DHX38: variants seen among roughly 807,000 people sequenced by gnomAD.
The protein encoded by DHX38 is pre-mRNA-splicing factor ATP-dependent RNA helicase PRP16.
A neutral mutation model predicts 153.1 loss-of-function variants in DHX38; 100 were observed. That is an observed-to-expected ratio of 0.65 (90% CI 0.56 to 0.77). The LOEUF (loss-of-function observed/expected upper bound fraction) is 0.77. Ranked by LOEUF, DHX38 falls within the 30% of genes least tolerant of loss-of-function variation. The probability of loss-of-function intolerance (pLI) is 0.00; values close to 1 mark genes in which losing one functional copy is unlikely to be tolerated. For synonymous variants in DHX38, 650 were observed against 631.7 expected, an observed-to-expected ratio of 1.03 and a Z score of -0.43; for missense variants, 1,440 against 1,654.0, an observed-to-expected ratio of 0.87 and a Z score of 2.24.
Position 72,107,906 on chromosome 16 carries a change from G to A in DHX38, c.2964+107G>A, listed in dbSNP as rs1468242676. 3.5e-6 allele frequency: 5 copies of A among 1,433,878 alleles called. No individual in the cohort carries two copies. The highest frequency in any genetic ancestry group is 4.7e-6 in the Non-Finnish European group (5 of 1,071,752). The allele number at this position is 1,433,878 out of a possible 1,614,324, so 88.8% of individuals were successfully genotyped here. On this transcript the variant is annotated intron_variant, in intron 21 of 26. Transcript: ENST00000268482. The surrounding 1 kb of genome is among the most constrained non-coding windows in gnomAD (Gnocchi z 5.3). ...AAATGGAACAGAGGGCAGAATCAGAGTTTCTGAAGAATGATTTTGCTGTTC... is the reference window on the plus strand; with the variant it reads ...AAATGGAACAGAGGGCAGAATCAGAATTTCTGAAGAATGATTTTGCTGTTC...
rs2042190939 is a variant in DHX38 at position 72,107,266 on chromosome 16, C to T, written c.2601-74C>T. ...AGAAGAAATGAGAATTTCCTCCCTC[C>T]CTGTGGGATTTCATCTGTACTGGCT... On this transcript the variant is annotated intron_variant, in intron 19 of 26. Coordinates refer to ENST00000268482, the MANE Select transcript of DHX38 (RefSeq NM_014003.4). The surrounding 1 kb of genome is among the most constrained non-coding windows in gnomAD (Gnocchi z 5.3). The T allele has an allele frequency of 1.4e-6, 2 of 1,446,894 alleles. No homozygotes were observed. Among genetic ancestry groups the T allele is most frequent in the South Asian group, 1.3e-5 (1 of 76,116 alleles). The allele number at this position is 1,446,894 out of a possible 1,614,324, so 89.6% of individuals were successfully genotyped here.
In DHX38 at chr16:72,104,055, A is replaced by C. The variant is rs2042137789; in HGVS notation, c.1934A>C (p.His645Pro). 1.2e-6 allele frequency: 2 copies of C among 1,614,086 alleles called. No homozygotes were observed. Among genetic ancestry groups the C allele is most frequent in the African/African-American group, 1.3e-5 (1 of 74,934 alleles). The change falls in exon 14 of 27, where the codon CAC becomes CCC. Residue 645 changes from histidine (H) to proline (P), a missense_variant. His to Pro is a moderately conservative substitution (Grantham distance 77, BLOSUM62 -2). Transcript: ENST00000268482. The surrounding 1 kb of genome is among the most constrained non-coding windows in gnomAD (Gnocchi z 4.5). Reference sequence around the variant, plus strand: ...TCCCTCCGGGAAGCCGACCTGGATCACTACAGTGCCATCATCATGGACGAG... The same window carrying C: ...TCCCTCCGGGAAGCCGACCTGGATCCCTACAGTGCCATCATCATGGACGAG... ...RESLREADLDHYSAIIMDEAH... is the reference protein window; with the variant it reads ...RESLREADLDPYSAIIMDEAH...
Position 72,103,583 on chromosome 16 carries a change from T to C in DHX38, c.1638-19T>C, listed in dbSNP as rs754238583. ...CTTCCACTTCGGCTGATAAGCCCTT[T>C]GCCTGCTTGTCCTTGTAGAGACAAC... On this transcript the variant is annotated intron_variant, in intron 12 of 26. Coordinates refer to ENST00000268482, the MANE Select transcript of DHX38 (RefSeq NM_014003.4). The C allele has an allele frequency of 1.9e-6, 3 of 1,594,900 alleles. No individual in the cohort carries two copies. In the Admixed American group the frequency reaches 5.0e-5, roughly 27 times the overall value.
intron 1 of DHX38, among the ~76,000 whole-genome samples, chr16:72,094,851 G>A (rs182914306): frequency 8.4e-4 from 128 of 152,380 alleles, no homozygotes; most frequent in African/African-American, 2.6e-3. Flanking sequence ...CAACTGCGTA[G>A]AATGGCAGTC....
intron 23 of DHX38, 59 bp downstream of exon 23, chr16:72,108,666 CTT>C: frequency 1.3e-6 from 2 of 1,593,668 alleles, no homozygotes; most frequent in East Asian, 4.5e-5. Flanking sequence ...GGGCAAAGTT[CTT>C]CCTTTGTCCT....
At chr16:72,109,811 C>T (rs921094275) in intron 25 of DHX38, 8 of 223,136 alleles carry the variant, frequency 3.6e-5, no homozygotes, top group Non-Finnish European at 6.1e-5. Context: ...TAATTGTCAA[C>T]GTTTGTTCAA....
At position 72,098,565 on chromosome 16, in the gene DHX38, A is replaced by C. The variant is rs1297219299; in HGVS notation, c.617-80A>C. The C allele has an allele frequency of 1.4e-5, 21 of 1,546,608 alleles. No homozygotes were observed. The Middle Eastern group carries it at 5.2e-4, about 38-fold the overall frequency. Reference sequence around the variant, plus strand: ...AATAGTAAAAGGAGTAAATTTGGGGAATTGACTTTTGGCAACTGGTTCTAG... The same window carrying C: ...AATAGTAAAAGGAGTAAATTTGGGGCATTGACTTTTGGCAACTGGTTCTAG... On this transcript the variant is annotated intron_variant, in intron 4 of 26. Transcript: ENST00000268482.
Position 72,103,215 on chromosome 16 carries a change from A to G in DHX38, c.1637+4A>G. On this transcript the variant is annotated splice_donor_region_variant and intron_variant, in intron 12 of 26. Transcript: ENST00000268482. ...AGGAGCTGCTCACTATTATCAGGTA[A>G]CTTCACCCGGGGCCCAGGAATCTAG... 6.2e-7 allele frequency: 1 copy of G among 1,612,460 alleles called. No homozygotes were observed. The highest frequency in any genetic ancestry group is 8.5e-7 in the Non-Finnish European group (1 of 1,178,974).
intron 18 of DHX38, 63 bp from the exon 19 acceptor site, chr16:72,105,941 CT>C: frequency 4.0e-6 from 6 of 1,501,062 alleles, no homozygotes; most frequent in Non-Finnish European, 5.5e-6. Flanking sequence ...TTGCCTTTGT[CT>C]CAGGCCTACT....
intron 11 of DHX38, 88 bp from the exon 12 acceptor site, chr16:72,102,985 TC>T: frequency 1.9e-6 from 3 of 1,552,604 alleles, no homozygotes. Flanking sequence ...AAGTCCTCAT[TC>T]CTGAGCGTAG....
chr16:72,098,886 G>A (rs776714816), intron 5 of DHX38, 41 bp from the exon 6 acceptor site: 1 of 1,614,148 alleles, frequency 6.2e-7, no homozygotes. Flanking sequence ...ACGTGGCTTA[G>A]CTCAGTGACA....
intron 12 of DHX38, 117 bp downstream of exon 12, chr16:72,103,328 C>A (rs12708928): frequency 0.38 from 519,843 of 1,382,600 alleles, 102,505 homozygotes; most frequent in African/African-American, 0.71. Flanking sequence ...AAGGGAAATA[C>A]TTTTTTCCTC....
intron 26 of DHX38, among the ~76,000 whole-genome samples, chr16:72,111,405 C>G (rs983038508): frequency 6.6e-6 from 1 of 152,198 alleles, no homozygotes; most frequent in African/African-American, 2.4e-5. Context: ...TGCGTCTGTG[C>G]TGGTCCCTGG....
At position 72,099,892 on chromosome 16, in the gene DHX38, G is replaced by A; in HGVS notation, c.1116+5G>A. On this transcript the variant is annotated splice_donor_5th_base_variant and intron_variant, in intron 8 of 26. Transcript: ENST00000268482. The stretch of plus-strand genomic sequence containing the variant: ...CAGCGGAGACAGATCAATGAGGTGA[G>A]GCTGCCTGCAGAAGTTGGAGCAGAT... 1.3e-6 allele frequency: 2 copies of A among 1,597,844 alleles called. No homozygotes were observed.
chr16:72,107,358 C>T lies in DHX38; in HGVS notation c.2619C>T (p.Ala873=). 1.2e-6 allele frequency: 2 copies of T among 1,611,166 alleles called. No individual in the cohort carries two copies. The highest frequency in any genetic ancestry group is 4.5e-5 in the East Asian group (2 of 44,862). ...CCGGCAGGCTCTACACCCAGAGCGC[C>T]TACAAGAATGAGCTCCTGACCACCA... is the stretch of plus-strand genomic sequence containing the variant. The part of the protein sequence containing the change: ...GQCFRLYTQS[A]YKNELLTTTV... The change falls in exon 20 of 27, where the codon GCC becomes GCT. Residue 873 remains alanine (A), a synonymous_variant. Transcript: ENST00000268482. The surrounding 1 kb of genome is among the most constrained non-coding windows in gnomAD (Gnocchi z 5.3).
rs368562010 is a variant in DHX38, at chr16:72,104,483, C to A, written c.2011-3C>A. 4.4e-4 allele frequency: 718 copies of A among 1,613,640 alleles called. No individual in the cohort carries two copies. Among genetic ancestry groups the A allele is most frequent in the Non-Finnish European group, 5.8e-4 (684 of 1,180,006 alleles). On this transcript the variant is annotated splice_polypyrimidine_tract_variant and splice_region_variant and intron_variant, in intron 14 of 26. Coordinates refer to ENST00000268482, the MANE Select transcript of DHX38 (RefSeq NM_014003.4). This position sits in a 1 kb window ranked among gnomAD's most constrained non-coding sequence, Gnocchi z 4.5. Reference sequence around the variant, plus strand: ...GGGGCCTCCGAGCCGCCTCTTCTCTCAGGTAGTGGCTCGGCGCTCAGACCT... The same window carrying A: ...GGGGCCTCCGAGCCGCCTCTTCTCTAAGGTAGTGGCTCGGCGCTCAGACCT...
chr16:72,095,782 G>A (rs17666271), intron 1 of DHX38, among the ~76,000 whole-genome samples: 6,724 of 152,206 alleles, frequency 0.044, 159 homozygotes, highest in Non-Finnish European at 0.056. Context: ...ATTTAGTGGT[G>A]TTTTCCCTAC....
In DHX38 at chr16:72,104,360, G is replaced by C; in HGVS notation, c.2011-126G>C. The C allele has an allele frequency of 7.3e-7, 1 of 1,360,858 alleles. No individual in the cohort carries two copies. Among genetic ancestry groups the C allele is most frequent in the Non-Finnish European group, 9.9e-7 (1 of 1,012,346 alleles). 84.3% of individuals were successfully genotyped at this position (1,360,858 alleles called of 1,614,324 possible). A position where few individuals can be genotyped will look rare whatever the true frequency, so the allele number is the denominator to read the frequency against. ...TCCATTGCTTCAGTCTTCATGATTG[G>C]TAAGAATTGAATAGGCCCATTTGTC... is the stretch of plus-strand genomic sequence containing the variant. On this transcript the variant is annotated intron_variant, in intron 14 of 26. Coordinates refer to ENST00000268482, the MANE Select transcript of DHX38 (RefSeq NM_014003.4). This position sits in a 1 kb window ranked among gnomAD's most constrained non-coding sequence, Gnocchi z 4.5.
chr16:72,104,706 G>A lies in DHX38; in HGVS notation c.2151+80G>A. ...TGCGAAGCCGGCTGGAGGGTGGAGG[G>A]TGGGTAGGGGACTGGGTTGGAGAAG... On this transcript the variant is annotated intron_variant, in intron 15 of 26. Coordinates refer to ENST00000268482, the MANE Select transcript of DHX38 (RefSeq NM_014003.4). This position sits in a 1 kb window ranked among gnomAD's most constrained non-coding sequence, Gnocchi z 4.5. The A allele has an allele frequency of 1.3e-6, 2 of 1,586,516 alleles. No individual in the cohort carries two copies. Among genetic ancestry groups the A allele is most frequent in the Admixed American group, 1.7e-5 (1 of 59,470 alleles).
Sources: allele counts gnomAD v4.1 joint callset (sites outside exome capture counted in the v4.1 genomes callset), GRCh38; gene constraint gnomAD v4.1.1; non-coding constraint Gnocchi (gnomAD v3.1); transcripts MANE v1.5; gene names NCBI Gene and HGNC (gene_info 2026-07-23, HGNC 2026-07-21).